Variants in PGLYRP1 observed in about 807,000 individuals in gnomAD.
The protein encoded by PGLYRP1 is peptidoglycan recognition protein 1, also known as TNF superfamily, member 3 (LTB)-like (peptidoglycan recognition protein).
A neutral mutation model predicts 16.3 loss-of-function variants in PGLYRP1; 18 were observed. The observed-to-expected ratio is 1.11, with a 90% CI of 0.77 to 1.64. The LOEUF is 1.64. PGLYRP1 is among the 40% of genes most tolerant of loss of function. PGLYRP1 has a pLI of 0.00. For synonymous variants in PGLYRP1, 89 were observed against 105.7 expected, an observed-to-expected ratio of 0.84 and a Z score of 0.97; for missense variants, 261 against 268.6, an observed-to-expected ratio of 0.97 and a Z score of 0.20.
chr19:46,022,265 T>A (rs942046616), intron 1 of PGLYRP1, among the ~76,000 whole-genome samples: 3 of 152,206 alleles, frequency 2.0e-5, no homozygotes, highest in African/African-American at 7.2e-5. Flanking sequence ...AAGGAGCAGA[T>A]GGGCCGCGAT....
Position 46,019,249 on chromosome 19 carries a change from G to C in PGLYRP1, c.580C>G (p.Arg194Gly). Residue 194 changes from arginine (R) to glycine (G), a missense_variant, in exon 3 of 3, where the codon CGC becomes GGC. By Grantham distance (125) the Arg-to-Gly change is moderately radical. Coordinates refer to ENST00000008938, the MANE Select transcript of PGLYRP1 (RefSeq NM_005091.3). This position sits in a 1 kb window ranked among gnomAD's most constrained non-coding sequence, Gnocchi z 4.8. ...YHLIQNWPHY[R>G]SP Reference sequence around the variant, plus strand: ...GGATCAGCAGGGCCTCAGGGGGAGCGGTAGTGTGGCCAATTCTGGATGAGG... The same window carrying C: ...GGATCAGCAGGGCCTCAGGGGGAGCCGTAGTGTGGCCAATTCTGGATGAGG... 1.2e-6 allele frequency: 2 copies of C among 1,613,762 alleles called. No individual in the cohort carries two copies. The highest frequency in any genetic ancestry group is 2.2e-5 in the South Asian group (2 of 91,062).
chr19:46,022,962 C>G lies in PGLYRP1; in HGVS notation c.60G>C (p.Ala20=). The G allele has an allele frequency of 6.2e-7, 1 of 1,604,746 alleles. No individual in the cohort carries two copies. The highest frequency in any genetic ancestry group is 8.5e-7 in the Non-Finnish European group (1 of 1,175,480). The change falls in exon 1 of 3, where the codon GCG becomes GCC. Residue 20 remains alanine (A), a synonymous_variant. Coordinates refer to ENST00000008938, the MANE Select transcript of PGLYRP1 (RefSeq NM_005091.3). The part of the protein sequence containing the change: ...WALPSLLRLG[A]AQETEDPACC... ...AGGCCGGGTCTTCTGTCTCCTGAGCCGCTCCGAGTCGAAGGAGGCTGGGGA... is the reference window on the plus strand; with the variant it reads ...AGGCCGGGTCTTCTGTCTCCTGAGCGGCTCCGAGTCGAAGGAGGCTGGGGA...
In PGLYRP1 at chr19:46,022,918, G is replaced by A. The variant is rs548408012; in HGVS notation, c.104C>T (p.Pro35Leu). The A allele has an allele frequency of 6.2e-7, 1 of 1,611,698 alleles. No homozygotes were observed. The highest frequency in any genetic ancestry group is 1.1e-5 in the South Asian group (1 of 90,664). Reference protein sequence around the residue: ...EDPACCSPIVPRNEWKALASE... With the variant: ...EDPACCSPIVLRNEWKALASE... The stretch of plus-strand genomic sequence containing the variant: ...TGCCAGGGCCTTCCACTCGTTCCGG[G>A]GCACTATGGGGCTGCAGCAGGCCGG... The change falls in exon 1 of 3, where the codon CCC becomes CTC. Residue 35 changes from proline to leucine, a missense_variant. Pro to Leu is a moderately conservative substitution (Grantham distance 98). Transcript: ENST00000008938.
At chr19:46,022,351 G>A (rs1229119743) in intron 1 of PGLYRP1, among the ~76,000 whole-genome samples, 7 of 152,238 alleles carry the variant, frequency 4.6e-5, no homozygotes, top group Non-Finnish European at 1.5e-5. Flanking sequence ...AAGATGAGCT[G>A]ACCCTGGAAC....
At position 46,019,161 on chromosome 19, in the gene PGLYRP1, T is replaced by C. The variant is rs1969014914; in HGVS notation, c.*77A>G. 8.3e-6 allele frequency: 11 copies of C among 1,324,904 alleles called. No individual in the cohort carries two copies. Among genetic ancestry groups the C allele is most frequent in the Non-Finnish European group, 9.7e-6 (9 of 923,304 alleles). 82.1% of individuals were successfully genotyped at this position (1,324,904 alleles called of 1,614,324 possible). The stretch of plus-strand genomic sequence containing the variant: ...ACCTGCTGAGGAACACATTTTGAGC[T>C]ACATCTTTATTGGAGAAGGAGACAG... On this transcript the variant is annotated 3_prime_UTR_variant, in exon 3 of 3. Coordinates refer to ENST00000008938, the MANE Select transcript of PGLYRP1 (RefSeq NM_005091.3). This position sits in a 1 kb window ranked among gnomAD's most constrained non-coding sequence, Gnocchi z 4.8.
At chr19:46,020,623 C>T (rs1375394558) in intron 1 of PGLYRP1, among the ~76,000 whole-genome samples, 1 of 152,178 alleles carries the variant, frequency 6.6e-6, no homozygotes, top group Admixed American at 6.6e-5. Flanking sequence ...CAGCACCTGC[C>T]TCTTTGAGGT....
chr19:46,019,858 C>T lies in PGLYRP1; in HGVS notation c.288-211G>A, dbSNP rs1969025079. On this transcript the variant is annotated intron_variant, in intron 1 of 2. Transcript: ENST00000008938. The surrounding 1 kb of genome is among the most constrained non-coding windows in gnomAD (Gnocchi z 4.8). ...TGTGCCAAGCACAGCTCTGCATACA[C>T]CTTTTTCCATCCTCACAGCAACCCT... Among the ~76,000 whole-genome samples, 1 of 152,222 alleles carries T rather than the reference C, an allele frequency of 6.6e-6. No homozygotes were observed.
intron 1 of PGLYRP1, among the ~76,000 whole-genome samples, chr19:46,020,390 A>G (rs917764750): frequency 2.0e-5 from 3 of 152,156 alleles, no homozygotes; most frequent in East Asian, 3.8e-4. Flanking sequence ...GATTACAAGC[A>G]TGAGTCACCG....
Position 46,019,268 on chromosome 19 carries a change from G to C in PGLYRP1, c.561C>G (p.Ile187Met), listed in dbSNP as rs935655672. ...LSPGNQLYHL[I>M]QNWPHYRSP ...GGGAGCGGTAGTGTGGCCAATTCTG[G>C]ATGAGGTGGTAGAGCTGGTTGCCTG... Residue 187 changes from isoleucine (I) to methionine (M), a missense_variant, in exon 3 of 3, where the codon ATC (isoleucine) becomes ATG (methionine). By Grantham distance (10) the Ile-to-Met change is conservative. Transcript: ENST00000008938. The surrounding 1 kb of genome is among the most constrained non-coding windows in gnomAD (Gnocchi z 4.8). 25 of 1,613,962 alleles carry C rather than the reference G, an allele frequency of 1.5e-5. No homozygotes were observed. Among genetic ancestry groups the C allele is most frequent in the Non-Finnish European group, 2.1e-5 (25 of 1,179,926 alleles).
Position 46,022,979 on chromosome 19 carries a change from G to A in PGLYRP1, c.43C>T (p.Leu15Phe), listed in dbSNP as rs1478462657. The part of the protein sequence containing the change: ...SMLLAWALPS[L>F]LRLGAAQETE... ...TCCTGAGCCGCTCCGAGTCGAAGGA[G>A]GCTGGGGAGAGCCCAGGCAAGCAGC... The change falls in exon 1 of 3, where the codon CTC becomes TTC. Residue 15 changes from leucine to phenylalanine, a missense_variant. Coordinates refer to ENST00000008938, the MANE Select transcript of PGLYRP1 (RefSeq NM_005091.3). 4.4e-6 allele frequency: 7 copies of A among 1,598,730 alleles called. No individual in the cohort carries two copies. Among genetic ancestry groups the A allele is most frequent in the Non-Finnish European group, 6.0e-6 (7 of 1,172,340 alleles).
intron 1 of PGLYRP1, among the ~76,000 whole-genome samples, chr19:46,020,254 A>G (rs1359306804): frequency 2.0e-5 from 3 of 152,084 alleles, no homozygotes; most frequent in East Asian, 3.9e-4. Context: ...GATTACAAGC[A>G]TGAGCCACCA....
In PGLYRP1 at chr19:46,020,269, C is replaced by T. The variant is rs533794498; in HGVS notation, c.288-622G>A. ...GATTACAAGCATGAGCCACCACACC[C>T]GGCTAATTTTTGTATTATTAGTAGA... On this transcript the variant is annotated intron_variant, in intron 1 of 2. Coordinates refer to ENST00000008938, the MANE Select transcript of PGLYRP1 (RefSeq NM_005091.3). 1.1e-4 allele frequency among the ~76,000 whole-genome samples: 16 copies of T among 152,060 alleles called. No individual in the cohort carries two copies. The East Asian group carries it at 2.3e-3, about 22-fold the overall frequency.
intron 1 of PGLYRP1, among the ~76,000 whole-genome samples, chr19:46,020,338 A>G (rs1969031601): frequency 6.6e-6 from 1 of 151,944 alleles, no homozygotes; most frequent in Non-Finnish European, 1.5e-5. Flanking sequence ...CGAACTCCCG[A>G]CCTCAGGTGA....
At position 46,019,164 on chromosome 19, in the gene PGLYRP1, A is replaced by G. The variant is rs971369081; in HGVS notation, c.*74T>C. The G allele has an allele frequency of 4.4e-6, 6 of 1,351,936 alleles. No homozygotes were observed. The African/African-American group carries it at 8.6e-5, about 19-fold the overall frequency. The allele number at this position is 1,351,936 out of a possible 1,614,324, so 83.7% of individuals were successfully genotyped here. A position where few individuals can be genotyped will look rare whatever the true frequency, so the allele number is the denominator to read the frequency against. On this transcript the variant is annotated 3_prime_UTR_variant, in exon 3 of 3. Coordinates refer to ENST00000008938, the MANE Select transcript of PGLYRP1 (RefSeq NM_005091.3). This position sits in a 1 kb window ranked among gnomAD's most constrained non-coding sequence, Gnocchi z 4.8. ...TGCTGAGGAACACATTTTGAGCTAC[A>G]TCTTTATTGGAGAAGGAGACAGTGG...
At position 46,019,391 on chromosome 19, in the gene PGLYRP1, C is replaced by T; in HGVS notation, c.438G>A (p.Arg146=). Residue 146 remains arginine (R), a synonymous_variant, in exon 3 of 3, where the codon CGG becomes CGA. Coordinates refer to ENST00000008938, the MANE Select transcript of PGLYRP1 (RefSeq NM_005091.3). This position sits in a 1 kb window ranked among gnomAD's most constrained non-coding sequence, Gnocchi z 4.8. ...MDRVPTPQAI[R]AAQGLLACGV... ...CGCAGGCCAGTAGACCCTGGGCTGCCCGGATGGCCTGGGGTGTGGGCACCC... is the reference window on the plus strand; with the variant it reads ...CGCAGGCCAGTAGACCCTGGGCTGCTCGGATGGCCTGGGGTGTGGGCACCC... 6.2e-7 allele frequency: 1 copy of T among 1,613,414 alleles called. No homozygotes were observed. The highest frequency in any genetic ancestry group is 1.3e-5 in the African/African-American group (1 of 74,898).
At position 46,019,378 on chromosome 19, in the gene PGLYRP1, G is replaced by T; in HGVS notation, c.451C>A (p.Leu151Ile). ...TPQAIRAAQG[L>I]LACGVAQGAL... ...CCCTGAGCCACACCGCAGGCCAGTA[G>T]ACCCTGGGCTGCCCGGATGGCCTGG... is the stretch of plus-strand genomic sequence containing the variant. Residue 151 changes from leucine to isoleucine, a missense_variant, in exon 3 of 3, where the codon CTA (leucine) becomes ATA (isoleucine). Coordinates refer to ENST00000008938, the MANE Select transcript of PGLYRP1 (RefSeq NM_005091.3). This position sits in a 1 kb window ranked among gnomAD's most constrained non-coding sequence, Gnocchi z 4.8. 6.2e-7 allele frequency: 1 copy of T among 1,613,736 alleles called. No homozygotes were observed. Among genetic ancestry groups the T allele is most frequent in the Non-Finnish European group, 8.5e-7 (1 of 1,179,934 alleles).
intron 1 of PGLYRP1, among the ~76,000 whole-genome samples, chr19:46,020,169 C>T (rs1969029383): frequency 6.8e-6 from 1 of 147,512 alleles, no homozygotes. Flanking sequence ...AGTGCAGTGG[C>T]GTGATCTCAG....
At position 46,022,965 on chromosome 19, in the gene PGLYRP1, T is replaced by C. The variant is rs758070306; in HGVS notation, c.57A>G (p.Gly19=). Residue 19 remains glycine, a synonymous_variant, in exon 1 of 3, where the codon GGA becomes GGG. Coordinates refer to ENST00000008938, the MANE Select transcript of PGLYRP1 (RefSeq NM_005091.3). ...CCGGGTCTTCTGTCTCCTGAGCCGC[T>C]CCGAGTCGAAGGAGGCTGGGGAGAG... ...AWALPSLLRL[G]AAQETEDPAC... The C allele has an allele frequency of 3.7e-6, 6 of 1,604,722 alleles. No homozygotes were observed. In the Admixed American group the frequency reaches 8.5e-5, roughly 23 times the overall value.
chr19:46,022,630 C>G (rs1969057333), intron 1 of PGLYRP1, 105 bp downstream of exon 1: 1 of 1,297,948 alleles, frequency 7.7e-7, no homozygotes, highest in Admixed American at 1.9e-5. Flanking sequence ...GGGTGTCAGC[C>G]AGGTGGCCTC....
Sources: gnomAD v4.1 joint callset for allele counts (sites outside exome capture counted in the v4.1 genomes callset) on GRCh38, gnomAD v4.1.1 for gene constraint, Gnocchi (gnomAD v3.1) non-coding constraint, MANE v1.5 for transcripts, NCBI Gene and HGNC (gene_info 2026-07-23, HGNC 2026-07-21) for gene names.